The following MAF variants were observed in gnomAD, a reference collection of about 807,000 sequenced individuals.
The protein encoded by MAF is transcription factor Maf.
Under a neutral mutation model 22.0 loss-of-function variants are expected in MAF, and 10 were observed. The ratio of observed to expected loss-of-function variants is 0.45; its 90% CI spans 0.28 to 0.77. The LOEUF (loss-of-function observed/expected upper bound fraction) is 0.77, where lower values mean the gene tolerates loss of function less well. Among genes scored for constraint, MAF ranks in the 30% least tolerant of loss-of-function variants. The pLI, the probability that MAF is intolerant of heterozygous loss-of-function variation, is 0.12. For missense variants in MAF, 544 were observed against 548.4 expected, an observed-to-expected ratio of 0.99 and a Z score of 0.08; for synonymous variants, 337 against 255.8, an observed-to-expected ratio of 1.32 and a Z score of -3.03.
the MAF span, among the ~76,000 whole-genome samples, chr16:79,246,234 G>A: frequency 1.3e-5 from 2 of 151,856 alleles, no homozygotes; most frequent in Admixed American, 1.3e-4. Flanking sequence ...AAATCAAAGT[G>A]CACACCCACA....
At chr16:79,426,307 T>G in the MAF span, among the ~76,000 whole-genome samples, 1 of 152,208 alleles carries the variant, frequency 6.6e-6, no homozygotes, top group African/African-American at 2.4e-5. Context: ...TGGTTCATAA[T>G]TTTTCTGCTG....
At chr16:79,526,872 G>C in the MAF span, among the ~76,000 whole-genome samples, 1 of 152,208 alleles carries the variant, frequency 6.6e-6, no homozygotes, top group Non-Finnish European at 1.5e-5. Flanking sequence ...GTAGAAGGTA[G>C]TAAAATAACT....
the MAF span, among the ~76,000 whole-genome samples, chr16:79,439,257 CTTTT>C: frequency 5.4e-5 from 7 of 130,802 alleles, no homozygotes; most frequent in Admixed American, 3.9e-4. Flanking sequence ...TAGGTACTTA[CTTTT>C]TTTTTTTTTT....
At chr16:79,570,902 G>C in the MAF span, among the ~76,000 whole-genome samples, 1 of 152,176 alleles carries the variant, frequency 6.6e-6, no homozygotes, top group African/African-American at 2.4e-5. Context: ...CAGCCAGCTG[G>C]TATTGGCACT....
chr16:79,363,602 T>C, the MAF span, among the ~76,000 whole-genome samples: 1 of 152,206 alleles, frequency 6.6e-6, no homozygotes, highest in Non-Finnish European at 1.5e-5. Flanking sequence ...AAAGTTGAAA[T>C]ATTAAGTCAA....
chr16:79,519,071 C>A, the MAF span, among the ~76,000 whole-genome samples: 1 of 152,258 alleles, frequency 6.6e-6, no homozygotes, highest in South Asian at 2.1e-4. Context: ...ATTACTAATG[C>A]CTTGCAATTA....
chr16:79,428,512 G>C, the MAF span, among the ~76,000 whole-genome samples: 7 of 152,140 alleles, frequency 4.6e-5, no homozygotes, highest in Non-Finnish European at 1.0e-4. Context: ...CAGAGAGACA[G>C]AGAGAGAGAA....
chr16:79,395,825 A>C, the MAF span, among the ~76,000 whole-genome samples: 1 of 152,192 alleles, frequency 6.6e-6, no homozygotes, highest in Non-Finnish European at 1.5e-5. Flanking sequence ...GAACTCAAAC[A>C]GTAGGGAGAG....
At chr16:79,416,034 C>T in the MAF span, among the ~76,000 whole-genome samples, 41 of 152,216 alleles carry the variant, frequency 2.7e-4, no homozygotes, top group African/African-American at 6.7e-4. Context: ...TGTCTGGTTG[C>T]GCCCGAGCAC....
chr16:79,254,383 C>A, the MAF span, among the ~76,000 whole-genome samples: 10 of 152,104 alleles, frequency 6.6e-5, no homozygotes, highest in Admixed American at 2.6e-4. Flanking sequence ...TCATATTATT[C>A]CATCCAAGGA....
At chr16:79,388,911 G>A in the MAF span, among the ~76,000 whole-genome samples, 3 of 152,146 alleles carry the variant, frequency 2.0e-5, no homozygotes, top group African/African-American at 7.2e-5. Flanking sequence ...TTGACTTGCA[G>A]TTTATGCCTT....
At chr16:79,404,471 T>C in the MAF span, among the ~76,000 whole-genome samples, 1 of 152,136 alleles carries the variant, frequency 6.6e-6, no homozygotes, top group African/African-American at 2.4e-5. Context: ...TGGAATTATT[T>C]TTAAAGCATT....
the MAF span, among the ~76,000 whole-genome samples, chr16:79,517,299 T>C: frequency 6.6e-6 from 1 of 152,202 alleles, no homozygotes; most frequent in Non-Finnish European, 1.5e-5. Context: ...GGGAAACATG[T>C]GGAGACAAAC....
chr16:79,241,209 G>C, the MAF span, among the ~76,000 whole-genome samples: 1 of 152,092 alleles, frequency 6.6e-6, no homozygotes, highest in African/African-American at 2.4e-5. Context: ...ACTGACAGAA[G>C]TAGACTTCCC....
At chr16:79,345,726 C>CAAAAAAA in the MAF span, among the ~76,000 whole-genome samples, 2 of 68,336 alleles carry the variant, frequency 2.9e-5, no homozygotes, top group Non-Finnish European at 5.0e-5. Flanking sequence ...GACTCCGTCT[C>CAAAAAAA]AAAAAAAAAA....
the MAF span, among the ~76,000 whole-genome samples, chr16:79,364,450 C>A: frequency 3.9e-5 from 6 of 152,136 alleles, no homozygotes; most frequent in Non-Finnish European, 7.4e-5. Flanking sequence ...GGGTGGGTGG[C>A]AGTGTCATCC....
At chr16:79,453,878 T>C in the MAF span, among the ~76,000 whole-genome samples, 1 of 152,162 alleles carries the variant, frequency 6.6e-6, no homozygotes, top group Non-Finnish European at 1.5e-5. Context: ...ACACTGAATG[T>C]ATGTGGATTA....
chr16:79,235,485 G>C, the MAF span, among the ~76,000 whole-genome samples: 1 of 151,962 alleles, frequency 6.6e-6, no homozygotes, highest in Non-Finnish European at 1.5e-5. Context: ...GAGATCGCTT[G>C]AGCCCAGGAG....
the MAF span, among the ~76,000 whole-genome samples, chr16:79,251,114 G>C: frequency 6.6e-6 from 1 of 152,062 alleles, no homozygotes; most frequent in African/African-American, 2.4e-5. Flanking sequence ...CTCTCAGAAA[G>C]GTTAAGTGCT....
Sources: gnomAD v4.1 joint callset for allele counts (sites outside exome capture counted in the v4.1 genomes callset) on GRCh38, gnomAD v4.1.1 for gene constraint, MANE v1.5 for transcripts, NCBI Gene and HGNC (gene_info 2026-07-23, HGNC 2026-07-21) for gene names.